Variants in NUAK2 observed in about 807,000 individuals in gnomAD.
NUAK2 encodes NUAK family SNF1-like kinase 2.
In NUAK2, 20 loss-of-function variants were observed where a neutral mutation model predicts 29.8. That is an observed-to-expected ratio of 0.67 (90% CI 0.47 to 0.98). NUAK2 has a LOEUF of 0.98. Ranked by LOEUF, NUAK2 falls within the 50% of genes least tolerant of loss-of-function variation. The pLI is 0.00. For missense variants in NUAK2, 719 were observed against 834.5 expected (o/e 0.86, Z 1.71); for synonymous variants, 331 against 342.6 (o/e 0.97, Z 0.37).
chr1:205,317,352 T>C (rs1226693568), intron 1 of NUAK2, among the ~76,000 whole-genome samples: 1 of 152,214 alleles, frequency 6.6e-6, no homozygotes, highest in Non-Finnish European at 1.5e-5. Flanking sequence ...TTGATTTCTC[T>C]CTGGCCTTTT....
In NUAK2 at chr1:205,304,622, G is replaced by A; in HGVS notation, c.824-109C>T. On this transcript the variant is annotated intron_variant, in intron 6 of 6. Coordinates refer to ENST00000367157, the MANE Select transcript of NUAK2 (RefSeq NM_030952.3). This position sits in a 1 kb window ranked among gnomAD's most constrained non-coding sequence, Gnocchi z 6.5. Reference sequence around the variant, plus strand: ...TGAGCTATGACACTGCATACTCCTGGGTCGGATGCGTCCCTTCCAACCTAG... The same window carrying A: ...TGAGCTATGACACTGCATACTCCTGAGTCGGATGCGTCCCTTCCAACCTAG... 1 of 956,058 alleles carries A rather than the reference G, an allele frequency of 1.0e-6. No individual in the cohort carries two copies. The highest frequency in any genetic ancestry group is 1.5e-6 in the Non-Finnish European group (1 of 655,148). 59.2% of individuals were successfully genotyped at this position (956,058 alleles called of 1,614,324 possible).
At chr1:205,306,346 A>C (rs2102646135) in intron 4 of NUAK2, 39 bp from the exon 5 acceptor site, 6 of 1,577,232 alleles carry the variant, frequency 3.8e-6, no homozygotes, top group Non-Finnish European at 4.3e-6. Context: ...GGTCATGTCA[A>C]GGCCTGGGTT....
intron 1 of NUAK2, among the ~76,000 whole-genome samples, chr1:205,317,608 G>A (rs1040975574): frequency 5.9e-5 from 9 of 152,178 alleles, no homozygotes; most frequent in South Asian, 2.1e-4. Context: ...CCCCTCTACC[G>A]GGTTGCTGGG....
chr1:205,315,688 C>T (rs144470720), intron 1 of NUAK2, among the ~76,000 whole-genome samples: 1,837 of 152,176 alleles, frequency 0.012, 43 homozygotes, highest in African/African-American at 0.042. Context: ...ACCTGGCCAA[C>T]GTGGTGAAAC....
In NUAK2 at chr1:205,303,478, G is replaced by A; in HGVS notation, c.1859C>T (p.Ala620Val). The change falls in exon 7 of 7, where the codon GCA becomes GTA. Residue 620 changes from alanine to valine, a missense_variant. Around this residue, in one of 3 missense-constraint regions of NUAK2, gnomAD observed 430 missense variants for 465.7 expected, o/e 0.92. Transcript: ENST00000367157. ...CQEVTATYRQ[A>V]LRVCSKLT is the part of the protein sequence containing the mutation. ...GGTGAGCTTTGAGCAGACCCTCAGT[G>A]CCTGTCGGTAGGTCGCTGTCACCTC... 6.2e-7 allele frequency: 1 copy of A among 1,602,318 alleles called. No individual in the cohort carries two copies. The highest frequency in any genetic ancestry group is 8.5e-7 in the Non-Finnish European group (1 of 1,174,220).
intron 1 of NUAK2, among the ~76,000 whole-genome samples, chr1:205,317,283 G>A (rs545339990): frequency 1.2e-4 from 18 of 152,222 alleles, no homozygotes; most frequent in Non-Finnish European, 2.5e-4. Context: ...TGGAGGGAGA[G>A]AAGGTGCAAG....
chr1:205,321,236 A>T (rs1662411643), intron 1 of NUAK2, among the ~76,000 whole-genome samples, 162 bp downstream of exon 1: 1 of 152,162 alleles, frequency 6.6e-6, no homozygotes, highest in Admixed American at 6.5e-5. Flanking sequence ...GGACTGACAC[A>T]TCTGCCAGGG....
chr1:205,306,114 G>A lies in NUAK2; in HGVS notation c.690+74C>T, dbSNP rs553648661. ...GAAAATGTGAATAACGAGAAAACTA[G>A]CCCATCAATCTCCCAGGATCTAAAG... On this transcript the variant is annotated intron_variant, in intron 5 of 6. Transcript: ENST00000367157. 1.0e-5 allele frequency: 15 copies of A among 1,490,362 alleles called. No homozygotes were observed. In the East Asian group the frequency reaches 3.1e-4, roughly 30 times the overall value. 92.3% of individuals were successfully genotyped at this position (1,490,362 alleles called of 1,614,324 possible).
intron 1 of NUAK2, among the ~76,000 whole-genome samples, chr1:205,315,837 C>T (rs1193848726): frequency 1.3e-5 from 2 of 151,858 alleles, no homozygotes; most frequent in African/African-American, 2.4e-5. Context: ...TGCACCACTG[C>T]ACTCCAGCCT....
At chr1:205,315,123 G>A (rs1285911371) in intron 1 of NUAK2, among the ~76,000 whole-genome samples, 1 of 152,186 alleles carries the variant, frequency 6.6e-6, no homozygotes, top group Non-Finnish European at 1.5e-5. Context: ...GGTCCCAGGA[G>A]ATCACAGTAC....
Position 205,303,156 on chromosome 1 carries a change from G to A in NUAK2, c.*294C>T. 1 of 237,982 alleles carries A rather than the reference G, an allele frequency of 4.2e-6. No homozygotes were observed. Among genetic ancestry groups the A allele is most frequent in the Non-Finnish European group, 8.1e-6 (1 of 122,722 alleles). The allele number at this position is 237,982 out of a possible 1,614,324, so 14.7% of individuals were successfully genotyped here. On this transcript the variant is annotated 3_prime_UTR_variant, in exon 7 of 7. Transcript: ENST00000367157. Reference sequence around the variant, plus strand: ...GGGAGAGTTCTCTTTCCAGGTCTCTGTGGCCCCCCCATGTACACAAGAAAC... The same window carrying A: ...GGGAGAGTTCTCTTTCCAGGTCTCTATGGCCCCCCCATGTACACAAGAAAC...
Position 205,304,017 on chromosome 1 carries a change from G to A in NUAK2, c.1320C>T (p.Ala440=). The A allele has an allele frequency of 6.2e-7, 1 of 1,613,940 alleles. No homozygotes were observed. The highest frequency in any genetic ancestry group is 8.5e-7 in the Non-Finnish European group (1 of 1,179,900). Residue 440 remains alanine (A), a synonymous_variant, in exon 7 of 7, where the codon GCC becomes GCT. Coordinates refer to ENST00000367157, the MANE Select transcript of NUAK2 (RefSeq NM_030952.3). The surrounding 1 kb of genome is among the most constrained non-coding windows in gnomAD (Gnocchi z 6.5). ...SPIPASPGQA[A]PLLPKKGILK... ...GAATGCCCTTCTTGGGGAGCAGGGG[G>A]GCAGCCTGCCCTGGGCTCGCAGGGA...
chr1:205,306,234 T>C lies in NUAK2; in HGVS notation c.644A>G (p.Tyr215Cys). 2.5e-6 allele frequency: 4 copies of C among 1,613,888 alleles called. No homozygotes were observed. The highest frequency in any genetic ancestry group is 3.4e-6 in the Non-Finnish European group (4 of 1,179,898). ...FLQTFCGSPL[Y>C]ASPEIVNGKP... Reference sequence around the variant, plus strand: ...CCCATTGACAATCTCTGGCGAGGCATAGAGGGGGCTCCCACAGAATGTCTG... The same window carrying C: ...CCCATTGACAATCTCTGGCGAGGCACAGAGGGGGCTCCCACAGAATGTCTG... The change falls in exon 5 of 7, where the codon TAT becomes TGT. Residue 215 changes from tyrosine to cysteine, a missense_variant. Physicochemically the swap from Tyr to Cys is radical, Grantham distance 194. Coordinates refer to ENST00000367157, the MANE Select transcript of NUAK2 (RefSeq NM_030952.3).
chr1:205,309,334 C>A (rs1247237083), intron 2 of NUAK2, among the ~76,000 whole-genome samples: 2 of 152,082 alleles, frequency 1.3e-5, no homozygotes, highest in African/African-American at 4.8e-5. Flanking sequence ...ACAGTTATTT[C>A]TTTATTTATT....
At chr1:205,305,059 C>T (rs975527981) in intron 6 of NUAK2, 140 bp downstream of exon 6, 24 of 1,020,356 alleles carry the variant, frequency 2.4e-5, no homozygotes, top group Admixed American at 7.4e-5. Context: ...ATTGGACATA[C>T]GGTGGAGGGT....
At chr1:205,305,062 T>C in intron 6 of NUAK2, 137 bp downstream of exon 6, 1 of 1,070,204 alleles carries the variant, frequency 9.3e-7, no homozygotes, top group Admixed American at 2.4e-5. Flanking sequence ...GGACATACGG[T>C]GGAGGGTACC....
At chr1:205,307,438 G>C (rs1662198109) in intron 4 of NUAK2, among the ~76,000 whole-genome samples, 1 of 152,148 alleles carries the variant, frequency 6.6e-6, no homozygotes, top group Non-Finnish European at 1.5e-5. Flanking sequence ...TGGTAAGAGG[G>C]AATGAACTCA....
Position 205,303,980 on chromosome 1 carries a change from G to A in NUAK2, c.1357C>T (p.Arg453Ter). The change falls in exon 7 of 7, where the codon CGA (arginine) becomes TGA (stop). Residue 453 changes from arginine to a stop codon, truncating the protein, a stop_gained. Transcript: ENST00000367157. LOFTEE classifies it low-confidence loss of function (END_TRUNC). The part of the protein sequence containing the change: ...LPKKGILKKP[R>*]QRESGYYSSP... ...GAGTAGTAGCCAGACTCGCGCTGTC[G>A]GGGCTTCTTGAGAATGCCCTTCTTG... 4 of 1,613,870 alleles carry A rather than the reference G, an allele frequency of 2.5e-6. No individual in the cohort carries two copies. Among genetic ancestry groups the A allele is most frequent in the Non-Finnish European group, 3.4e-6 (4 of 1,179,926 alleles).
chr1:205,321,576 T>C lies in NUAK2; in HGVS notation c.53A>G (p.Glu18Gly). Reference protein sequence around the residue: ...RRSGPTPSAAELARPLAEGLI... With the variant: ...RRSGPTPSAAGLARPLAEGLI... Reference sequence around the variant, plus strand: ...CCCTTCCGCCAGCGGCCGGGCTAGCTCTGCGGCCGAGGGAGTGGGGCCGGA... The same window carrying C: ...CCCTTCCGCCAGCGGCCGGGCTAGCCCTGCGGCCGAGGGAGTGGGGCCGGA... Residue 18 changes from glutamate to glycine, a missense_variant, in exon 1 of 7, where the codon GAG becomes GGG. Coordinates refer to ENST00000367157, the MANE Select transcript of NUAK2 (RefSeq NM_030952.3). 1 of 1,613,320 alleles carries C rather than the reference T, an allele frequency of 6.2e-7. No individual in the cohort carries two copies. The highest frequency in any genetic ancestry group is 8.5e-7 in the Non-Finnish European group (1 of 1,179,862).
Sources: gnomAD v4.1 joint callset for allele counts (sites outside exome capture counted in the v4.1 genomes callset) on GRCh38, gnomAD v4.1.1 for gene constraint, gnomAD v4.1.1 regional missense constraint, Gnocchi (gnomAD v3.1) non-coding constraint, MANE v1.5 for transcripts, NCBI Gene and HGNC (gene_info 2026-07-23, HGNC 2026-07-21) for gene names.